Variants in C11orf65 observed in about 807,000 individuals in gnomAD.
C11orf65 encodes chromosome 11 open reading frame 65.
A neutral mutation model predicts 35.3 loss-of-function variants in C11orf65; 38 were observed. The observed-to-expected ratio is 1.08, with a 90% CI of 0.83 to 1.41. The LOEUF is 1.41. Ranked by LOEUF, C11orf65 falls within the 40% of genes most tolerant of loss-of-function variation. The probability of loss-of-function intolerance (pLI) is 0.00; values close to 1 mark genes in which losing one functional copy is unlikely to be tolerated. For missense variants in C11orf65, 370 were observed against 367.1 expected, an observed-to-expected ratio of 1.01 and a Z score of -0.06; for synonymous variants, 105 against 114.4, an observed-to-expected ratio of 0.92 and a Z score of 0.53.
rs1591450855 is a variant in C11orf65 at position 108,393,450 on chromosome 11, T to C, written c.561-72A>G. On this transcript the variant is annotated intron_variant, in intron 6 of 8. Transcript: ENST00000393084. ...ATTACAAGTAGATACAGGCAATATA[T>C]ATTGTTGCTATTTACATATTAAAAC... 1.0e-5 allele frequency: 14 copies of C among 1,351,942 alleles called. No individual in the cohort carries two copies. In the East Asian group the frequency reaches 3.0e-4, roughly 29 times the overall value. 83.7% of individuals were successfully genotyped at this position (1,351,942 alleles called of 1,614,324 possible).
chr11:108,371,387 C>T (rs965634713), intron 2 of C11orf65, among the ~76,000 whole-genome samples: 4 of 152,212 alleles, frequency 2.6e-5, no homozygotes, highest in Non-Finnish European at 5.9e-5. Flanking sequence ...CTCCCCACTC[C>T]TCTATTCAAC....
intron 7 of C11orf65, among the ~76,000 whole-genome samples, chr11:108,387,326 T>C (rs958799897): frequency 6.6e-6 from 1 of 151,822 alleles, no homozygotes; most frequent in African/African-American, 2.4e-5. Flanking sequence ...GGCTAATTTT[T>C]GTACTTTTAG....
chr11:108,406,318 TTTG>T (rs933743480), intron 5 of C11orf65, among the ~76,000 whole-genome samples: 39 of 152,292 alleles, frequency 2.6e-4, no homozygotes, highest in African/African-American at 9.1e-4. Flanking sequence ...TGTGTTTGTT[TTTG>T]TTGTTGTTGT....
chr11:108,345,213 A>T (rs996283991), intron 2 of C11orf65, among the ~76,000 whole-genome samples: 1 of 152,222 alleles, frequency 6.6e-6, no homozygotes, highest in African/African-American at 2.4e-5. Context: ...GCTAAAGCTT[A>T]ATAAAGATAT....
chr11:108,448,060 T>C (rs2093290414), intron 2 of C11orf65, among the ~76,000 whole-genome samples: 1 of 152,116 alleles, frequency 6.6e-6, no homozygotes, highest in Non-Finnish European at 1.5e-5. Flanking sequence ...CCTTGACACA[T>C]ACACCCTCCC....
At chr11:108,312,066 G>C (rs1456112215) in intron 6 of C11orf65, among the ~76,000 whole-genome samples, 2 of 152,156 alleles carry the variant, frequency 1.3e-5, no homozygotes, top group African/African-American at 4.8e-5. Context: ...TTGTGTGTCT[G>C]TAATTATTGA....
rs1555124506 is a variant in C11orf65, at chr11:108,331,916, CTTTG to C, written c.300-353_300-350del. Reference sequence around the variant, plus strand: ...ATTTCAATGGATCACCCCCATCACACTTTGTTTATTATACTGGCCTTAGCAAATG... The same window carrying C: ...ATTTCAATGGATCACCCCCATCACACTTTATTATACTGGCCTTAGCAAATG... On this transcript the variant is annotated intron_variant, in intron 3 of 3. Coordinates refer to the C11orf65 transcript ENST00000524755. 3 of 1,613,944 alleles carry C rather than the reference CTTTG, an allele frequency of 1.9e-6. No individual in the cohort carries two copies. Among genetic ancestry groups the C allele is most frequent in the Non-Finnish European group, 2.5e-6 (3 of 1,179,894 alleles).
intron 3 of C11orf65, among the ~76,000 whole-genome samples, chr11:108,429,027 GCT>G (rs2092948730): frequency 6.6e-6 from 1 of 152,042 alleles, no homozygotes; most frequent in Admixed American, 6.6e-5. Context: ...TGTGCCTGTT[GCT>G]CCAGCTACTT....
In C11orf65 at chr11:108,335,061, A is replaced by G. The variant is rs779803253; in HGVS notation, c.299+159T>C. 1.2e-6 allele frequency: 2 copies of G among 1,614,128 alleles called. No homozygotes were observed. The highest frequency in any genetic ancestry group is 4.5e-5 in the East Asian group (2 of 44,858). ...CAGGAGGTGTAAATTTACCAAAAATAATAGATTGTGTAGGTTCCGATGGCA... is the reference window on the plus strand; with the variant it reads ...CAGGAGGTGTAAATTTACCAAAAATGATAGATTGTGTAGGTTCCGATGGCA... On this transcript the variant is annotated intron_variant, in intron 3 of 3. Coordinates refer to the C11orf65 transcript ENST00000524755.
downstream of C11orf65, chr11:108,327,891 T>G (rs2085844336): frequency 1.3e-6 from 1 of 781,852 alleles, no homozygotes; most frequent in African/African-American, 1.7e-5. Context: ...CTGTTGTAGC[T>G]CTGTATAGTC....
chr11:108,327,680 T>C (rs878853536), downstream of C11orf65: 1 of 1,614,018 alleles, frequency 6.2e-7, no homozygotes. Context: ...ACACAGAATG[T>C]CTGAGGGTTT....
Position 108,393,292 on chromosome 11 carries a change from G to T in C11orf65, c.647C>A (p.Ala216Asp). 1 of 1,614,016 alleles carries T rather than the reference G, an allele frequency of 6.2e-7. No homozygotes were observed. Among genetic ancestry groups the T allele is most frequent in the African/African-American group, 1.3e-5 (1 of 75,030 alleles). The change falls in exon 7 of 9, where the codon GCT (alanine) becomes GAT (aspartate). Residue 216 changes from alanine (A) to aspartate (D), a missense_variant. Ala to Asp is a moderately radical substitution (Grantham distance 126, BLOSUM62 -2). Coordinates refer to ENST00000393084, the MANE Select transcript of C11orf65 (RefSeq NM_152587.5). The part of the protein sequence containing the change: ...IHTATKGLIR[A>D]FEDGGIDSVM... ...AGAATCTATCCCCCCATCTTCAAAA[G>T]CTCTAATCAGCCCCTTTGTTGCAGT... is the stretch of plus-strand genomic sequence containing the variant.
At chr11:108,424,813 A>G (rs2092876725) in intron 3 of C11orf65, among the ~76,000 whole-genome samples, 1 of 152,210 alleles carries the variant, frequency 6.6e-6, no homozygotes, top group African/African-American at 2.4e-5. Context: ...AGTCTCTCAG[A>G]CCACAGTGCA....
At chr11:108,462,726 T>C (rs2093487041) in intron 1 of C11orf65, 1 of 152,214 alleles carries the variant, frequency 6.6e-6, no homozygotes, top group Non-Finnish European at 1.5e-5. Context: ...TTAAGAGTTA[T>C]TAATACTTCA....
chr11:108,317,438 T>C lies in C11orf65; in HGVS notation c.641-8367A>G, dbSNP rs747372417. On this transcript the variant is annotated intron_variant, in intron 6 of 6. Coordinates refer to the C11orf65 transcript ENST00000525729. ...ATTTAAAAGGATTGGATTATGAAAA[T>C]AAAGACTGGTGTCCTGAACTAGAAG... is the stretch of plus-strand genomic sequence containing the variant. 1 of 1,612,404 alleles carries C rather than the reference T, an allele frequency of 6.2e-7. No homozygotes were observed. The highest frequency in any genetic ancestry group is 2.2e-5 in the East Asian group (1 of 44,766).
chr11:108,308,889 A>C, exon 7 of C11orf65: 1 of 789,486 alleles, frequency 1.3e-6, no homozygotes, highest in Non-Finnish European at 2.1e-6. Flanking sequence ...GAGGAGGCCT[A>C]TCAGAAGCTT....
downstream of C11orf65, chr11:108,327,787 A>G (rs1306092666): frequency 2.7e-6 from 4 of 1,495,342 alleles, no homozygotes; most frequent in South Asian, 4.5e-5. Context: ...CCCTTAAGAT[A>G]GTTACTTAGC....
chr11:108,414,277 C>T (rs1207526313), intron 3 of C11orf65, among the ~76,000 whole-genome samples: 1 of 151,812 alleles, frequency 6.6e-6, no homozygotes, highest in East Asian at 1.9e-4. Flanking sequence ...GGTTACTCTT[C>T]ATGGACATCT....
intron 6 of C11orf65, among the ~76,000 whole-genome samples, chr11:108,404,509 G>C (rs531283523): frequency 6.6e-6 from 1 of 151,888 alleles, no homozygotes; most frequent in African/African-American, 2.4e-5. Flanking sequence ...CTGGGTTCAC[G>C]CCATTCTCCT....
Sources: allele counts gnomAD v4.1 joint callset (sites outside exome capture counted in the v4.1 genomes callset), GRCh38; gene constraint gnomAD v4.1.1; transcripts MANE v1.5; gene names NCBI Gene and HGNC (gene_info 2026-07-23, HGNC 2026-07-21).